Variants in GADL1 observed in about 807,000 individuals in gnomAD.
GADL1 encodes the protein acidic amino acid decarboxylase GADL1.
Under a neutral mutation model 69.5 loss-of-function variants are expected in GADL1, and 71 were observed. The ratio of observed to expected loss-of-function variants is 1.02; its 90% confidence interval spans 0.84 to 1.25. GADL1 has a LOEUF of 1.25. Among genes scored for constraint, GADL1 ranks in the 50% most tolerant of loss-of-function variants. The probability of loss-of-function intolerance (pLI) is 0.00; values close to 1 mark genes in which losing one functional copy is unlikely to be tolerated. For missense variants in GADL1, 737 were observed against 631.8 expected, an observed-to-expected ratio of 1.17 and a Z score of -1.79; for synonymous variants, 254 against 214.4, an observed-to-expected ratio of 1.18 and a Z score of -1.62.
chr3:30,886,352 C>T (rs1036766775), intron 1 of GADL1, among the ~76,000 whole-genome samples: 7 of 152,108 alleles, frequency 4.6e-5, no homozygotes, highest in African/African-American at 1.7e-4. Flanking sequence ...CACCAAAAGA[C>T]AAGGTGTTGA....
intron 11 of GADL1, among the ~76,000 whole-genome samples, chr3:30,809,536 G>A (rs944103216): frequency 6.6e-6 from 1 of 152,044 alleles, no homozygotes; most frequent in Non-Finnish European, 1.5e-5. Flanking sequence ...TTTTGATATT[G>A]ACTCAGCTAT....
chr3:30,758,340 T>C (rs534869809), intron 14 of GADL1, among the ~76,000 whole-genome samples: 26 of 152,294 alleles, frequency 1.7e-4, no homozygotes, highest in Non-Finnish European at 3.7e-4. Context: ...CTCTGGGCTA[T>C]TCTTTGCAGC....
chr3:30,834,077 G>A lies in GADL1; in HGVS notation c.968+140C>T, dbSNP rs111416411. On this transcript the variant is annotated intron_variant, in intron 10 of 14. Coordinates refer to ENST00000282538, the MANE Select transcript of GADL1 (RefSeq NM_207359.3). ...AGAACTCCTTATCTGAGTGGTTTAA[G>A]GAATTTGGAGGGATTTTTTGTTGTT... The A allele has an allele frequency of 3.7e-3, 3,486 of 940,100 alleles. 13 individuals are homozygous for A. The highest frequency in any genetic ancestry group is 4.6e-3 in the Non-Finnish European group (2,758 of 595,146). 58.2% of individuals were successfully genotyped at this position (940,100 alleles called of 1,614,324 possible). A position where few individuals can be genotyped will look rare whatever the true frequency, so the allele number is the denominator to read the frequency against.
At chr3:30,788,685 C>T (rs558904429) in intron 12 of GADL1, among the ~76,000 whole-genome samples, 1 of 152,296 alleles carries the variant, frequency 6.6e-6, no homozygotes, top group Non-Finnish European at 1.5e-5. Context: ...TCCTTTCAAA[C>T]CTTGCTGCTG....
intron 1 of GADL1, among the ~76,000 whole-genome samples, chr3:30,870,318 G>A (rs1043148808): frequency 4.0e-5 from 6 of 151,716 alleles, no homozygotes; most frequent in Non-Finnish European, 5.9e-5. Context: ...GAGAAGGAGA[G>A]CCAGACACGA....
chr3:30,870,158 G>C (rs1382521279), intron 1 of GADL1, among the ~76,000 whole-genome samples: 1 of 151,740 alleles, frequency 6.6e-6, no homozygotes, highest in Non-Finnish European at 1.5e-5. Context: ...ATGCAGTTAA[G>C]ACAAACAGAT....
chr3:30,752,706 A>G (rs1695855717), intron 14 of GADL1, among the ~76,000 whole-genome samples: 1 of 152,192 alleles, frequency 6.6e-6, no homozygotes, highest in African/African-American at 2.4e-5. Context: ...ACTGTTCTAG[A>G]GGAACTTCCC....
At chr3:30,813,718 C>T (rs1002398928) in intron 11 of GADL1, among the ~76,000 whole-genome samples, 2 of 152,206 alleles carry the variant, frequency 1.3e-5, no homozygotes, top group Non-Finnish European at 2.9e-5. Context: ...TTCTGAAACA[C>T]GAGTTCCCTG....
intron 11 of GADL1, among the ~76,000 whole-genome samples, chr3:30,802,999 G>T (rs544491283): frequency 1.3e-5 from 2 of 152,290 alleles, no homozygotes; most frequent in East Asian, 3.9e-4. Context: ...GCCTGAAGTG[G>T]GAAGATCACT....
chr3:30,844,202 CCT>C lies in GADL1; in HGVS notation c.786+6_786+7del, dbSNP rs750672094. The C allele has an allele frequency of 3.7e-6, 6 of 1,610,250 alleles. No homozygotes were observed. The highest frequency in any genetic ancestry group is 2.7e-5 in the African/African-American group (2 of 74,778). ...GTTCTCTCTCCCTCTCGCTTTCTCC[CCT>C]CTCACCTCTTTTCTGGCTTGCCAGA... On this transcript the variant is annotated splice_donor_region_variant and intron_variant, in intron 8 of 14. Coordinates refer to ENST00000282538, the MANE Select transcript of GADL1 (RefSeq NM_207359.3).
At chr3:30,801,980 C>T (rs985946751) in intron 11 of GADL1, among the ~76,000 whole-genome samples, 6 of 152,144 alleles carry the variant, frequency 3.9e-5, no homozygotes, top group Admixed American at 1.3e-4. Flanking sequence ...TTGCTTGAAT[C>T]TAACTCTCTA....
intron 12 of GADL1, among the ~76,000 whole-genome samples, chr3:30,794,555 G>C (rs1696990064): frequency 6.6e-6 from 1 of 152,088 alleles, no homozygotes; most frequent in Non-Finnish European, 1.5e-5. Flanking sequence ...GTTGCTTTAG[G>C]CTCTCAGTGT....
At chr3:30,731,392 T>G (rs1311374493) in intron 14 of GADL1, among the ~76,000 whole-genome samples, 1 of 152,204 alleles carries the variant, frequency 6.6e-6, no homozygotes, top group Non-Finnish European at 1.5e-5. Context: ...GCCTTATCTT[T>G]GGAGAGCATT....
intron 3 of GADL1, 142 bp downstream of exon 3, chr3:30,856,873 C>T (rs1698237089): frequency 1.6e-6 from 1 of 637,572 alleles, no homozygotes; most frequent in Non-Finnish European, 2.6e-6. Flanking sequence ...ATTAAAGGGA[C>T]CATTGCAAAA....
chr3:30,779,778 C>T (rs972727159), intron 13 of GADL1, among the ~76,000 whole-genome samples: 4 of 152,164 alleles, frequency 2.6e-5, no homozygotes, highest in African/African-American at 9.7e-5. Flanking sequence ...TGCCTCTCAG[C>T]CAGAAATCTA....
At chr3:30,797,957 T>G (rs1296620737) in intron 12 of GADL1, 1 of 152,226 alleles carries the variant, frequency 6.6e-6, no homozygotes, top group African/African-American at 2.4e-5. Flanking sequence ...GATCTAAGTT[T>G]AGCAGTTCAG....
intron 1 of GADL1, among the ~76,000 whole-genome samples, chr3:30,892,902 C>T (rs867083524): frequency 1.3e-5 from 2 of 152,200 alleles, no homozygotes; most frequent in East Asian, 3.8e-4. Flanking sequence ...GTCACCTAGG[C>T]TGGAGTACAG....
At chr3:30,748,611 T>C (rs7614976) in intron 14 of GADL1, among the ~76,000 whole-genome samples, 5,984 of 152,290 alleles carry the variant, frequency 0.039, 336 homozygotes, top group African/African-American at 0.11. Context: ...TGTAAGAGGC[T>C]TTAGCTATCA....
At chr3:30,800,238 T>C (rs1027779915) in intron 12 of GADL1, 4 of 153,298 alleles carry the variant, frequency 2.6e-5, no homozygotes, top group African/African-American at 4.8e-5. Context: ...AGGCCTCAAT[T>C]CATGGCGGAA....
Sources: gnomAD v4.1 joint callset for allele counts (sites outside exome capture counted in the v4.1 genomes callset) on GRCh38, gnomAD v4.1.1 for gene constraint, MANE v1.5 for transcripts, NCBI Gene and HGNC (gene_info 2026-07-23, HGNC 2026-07-21) for gene names.